EPM2A: variants seen among roughly 807,000 people sequenced by gnomAD.
The protein encoded by EPM2A is laforin.
In EPM2A, 21 loss-of-function variants were observed where a neutral mutation model predicts 26.5. The observed-to-expected ratio is 0.79, with a 90% confidence interval of 0.56 to 1.14. The LOEUF (loss-of-function observed/expected upper bound fraction) is 1.14. EPM2A is among the 50% of genes most tolerant of loss of function. The pLI is 0.00. For missense variants in EPM2A, 458 were observed against 440.8 expected (o/e 1.04, Z -0.35); for synonymous variants, 217 against 177.6 (o/e 1.22, Z -1.76).
chr6:145,724,960 A>G (rs201824015), intron 1 of EPM2A, among the ~76,000 whole-genome samples: 1 of 152,126 alleles, frequency 6.6e-6, no homozygotes. Flanking sequence ...CCAAAAGCAT[A>G]ATCCATGAAA....
chr6:145,601,394 G>A (rs190841757), intron 2 of EPM2A, among the ~76,000 whole-genome samples: 62 of 152,230 alleles, frequency 4.1e-4, no homozygotes, highest in Admixed American at 1.4e-3. Flanking sequence ...AAATAAGAAC[G>A]TGACAGTGGT....
At chr6:145,585,887 T>C (rs1300573519) in intron 2 of EPM2A, among the ~76,000 whole-genome samples, 1 of 152,238 alleles carries the variant, frequency 6.6e-6, no homozygotes, top group Non-Finnish European at 1.5e-5. Flanking sequence ...AAAACCCTTC[T>C]ACGTATTTAT....
At chr6:145,426,605 T>A (rs969187240) in intron 4 of EPM2A, among the ~76,000 whole-genome samples, 1 of 152,210 alleles carries the variant, frequency 6.6e-6, no homozygotes, top group Non-Finnish European at 1.5e-5. Flanking sequence ...CATACCTGTA[T>A]ACAGAGATTT....
intron 2 of EPM2A, among the ~76,000 whole-genome samples, chr6:145,559,378 C>A (rs1317875280): frequency 6.6e-6 from 1 of 152,094 alleles, no homozygotes; most frequent in African/African-American, 2.4e-5. Flanking sequence ...CTAGTTTTCA[C>A]TTCTTGACTA....
chr6:145,493,543 A>G (rs1779781293), intron 4 of EPM2A, among the ~76,000 whole-genome samples: 1 of 152,194 alleles, frequency 6.6e-6, no homozygotes, highest in South Asian at 2.1e-4. Context: ...GAGTGGTGAG[A>G]GAGGGCATCC....
chr6:145,655,035 A>G (rs1230258345), intron 2 of EPM2A, among the ~76,000 whole-genome samples: 1 of 152,146 alleles, frequency 6.6e-6, no homozygotes, highest in African/African-American at 2.4e-5. Flanking sequence ...AAATGCACGC[A>G]TCGTTTTGTT....
downstream of EPM2A, among the ~76,000 whole-genome samples, chr6:145,621,614 CT>C (rs775151848): frequency 9.2e-3 from 1,300 of 141,982 alleles, 4 homozygotes; most frequent in African/African-American, 0.017. Flanking sequence ...CTATCTCTTG[CT>C]TTTTTTTTTT....
intron 2 of EPM2A, among the ~76,000 whole-genome samples, chr6:145,592,882 G>A (rs566732916): frequency 1.3e-5 from 2 of 151,916 alleles, no homozygotes; most frequent in South Asian, 4.2e-4. Context: ...ACAAAAAGAA[G>A]GTAAAAGATA....
intron 4 of EPM2A, among the ~76,000 whole-genome samples, chr6:145,458,323 A>G (rs947408016): frequency 6.6e-6 from 1 of 150,984 alleles, no homozygotes; most frequent in African/African-American, 2.4e-5. Flanking sequence ...GCCGAACGCT[A>G]TTTTGTCTCT....
At chr6:145,426,171 C>T (rs1778852243) in intron 4 of EPM2A, among the ~76,000 whole-genome samples, 1 of 152,210 alleles carries the variant, frequency 6.6e-6, no homozygotes, top group African/African-American at 2.4e-5. Flanking sequence ...AACCAATTCA[C>T]TATTGGCTGA....
chr6:145,639,977 C>T (rs1289595445), intron 2 of EPM2A: 1 of 152,188 alleles, frequency 6.6e-6, no homozygotes, highest in Non-Finnish European at 1.5e-5. Flanking sequence ...GAATAGATGG[C>T]TGACATTCTG....
At position 145,635,435 on chromosome 6, in the gene EPM2A, T is replaced by C. The variant is rs1045816; in HGVS notation, c.528A>G (p.Val176=). ...CCAATTCATGCTTCAGTTTGATGGT[T>C]ACATGTTCCACCTGACGAGGGCAGC... ...LGSCPRQVEH[V]TIKLKHELGI... Residue 176 remains valine (V), a synonymous_variant, in exon 3 of 4, where the codon GTA becomes GTG. Coordinates refer to ENST00000367519, the MANE Select transcript of EPM2A (RefSeq NM_005670.4). 1.2e-6 allele frequency: 2 copies of C among 1,614,086 alleles called. No homozygotes were observed. Among genetic ancestry groups the C allele is most frequent in the Non-Finnish European group, 1.7e-6 (2 of 1,179,888 alleles).
At chr6:145,469,720 C>T (rs891673288) in intron 4 of EPM2A, among the ~76,000 whole-genome samples, 4 of 152,106 alleles carry the variant, frequency 2.6e-5, no homozygotes, top group East Asian at 1.9e-4. Context: ...GTGTTCATTC[C>T]TATGTTTACT....
intron 2 of EPM2A, among the ~76,000 whole-genome samples, chr6:145,554,242 T>C (rs954335458): frequency 6.6e-6 from 1 of 150,776 alleles, no homozygotes; most frequent in African/African-American, 2.4e-5. Context: ...CTAAGGGGGG[T>C]AGTATGATGT....
At chr6:145,429,390 A>G (rs1460696219) in intron 4 of EPM2A, among the ~76,000 whole-genome samples, 1 of 152,122 alleles carries the variant, frequency 6.6e-6, no homozygotes, top group Non-Finnish European at 1.5e-5. Context: ...ATTTGCTTCC[A>G]TATCTCCTGC....
chr6:145,463,023 C>T (rs1403462992), intron 4 of EPM2A, among the ~76,000 whole-genome samples: 1 of 152,036 alleles, frequency 6.6e-6, no homozygotes, highest in East Asian at 1.9e-4. Flanking sequence ...ATATAAAAAA[C>T]ATTTTATTTA....
intron 2 of EPM2A, among the ~76,000 whole-genome samples, chr6:145,676,794 A>T (rs1365816292): frequency 6.6e-6 from 1 of 152,228 alleles, no homozygotes; most frequent in East Asian, 1.9e-4. Context: ...TTGATAGCAT[A>T]CCAACCAAAA....
chr6:145,386,019 A>G (rs1042232546), intron 4 of EPM2A, among the ~76,000 whole-genome samples: 1 of 152,130 alleles, frequency 6.6e-6, no homozygotes, highest in Non-Finnish European at 1.5e-5. Context: ...AGTTTCTACT[A>G]TCTTACCAGG....
intron 2 of EPM2A, among the ~76,000 whole-genome samples, chr6:145,526,034 T>C (rs781661078): frequency 1.3e-5 from 2 of 152,052 alleles, no homozygotes; most frequent in Non-Finnish European, 2.9e-5. Context: ...AGTTTTTTCA[T>C]TGTCTATTGA....
Sources: allele counts gnomAD v4.1 joint callset (sites outside exome capture counted in the v4.1 genomes callset), GRCh38; gene constraint gnomAD v4.1.1; transcripts MANE v1.5; gene names NCBI Gene and HGNC (gene_info 2026-07-23, HGNC 2026-07-21).